KLRG1: variants seen among roughly 807,000 people sequenced by gnomAD.
The protein encoded by KLRG1 is killer cell lectin-like receptor subfamily G member 1.
KLRG1 carries 16 observed loss-of-function variants against 21.8 expected under a neutral mutation model. The ratio of observed to expected loss-of-function variants is 0.73; its 90% confidence interval spans 0.50 to 1.11. The LOEUF is 1.11. Ranked by LOEUF, KLRG1 falls within the 50% of genes most tolerant of loss-of-function variation. KLRG1 has a pLI of 0.00. For synonymous variants in KLRG1, 69 were observed against 75.9 expected (o/e 0.91, Z 0.47); for missense variants, 173 against 218.3 (o/e 0.79, Z 1.31).
intron 1 of KLRG1, among the ~76,000 whole-genome samples, chr12:8,971,902 T>C (rs1946574810): frequency 6.6e-6 from 1 of 152,244 alleles, no homozygotes. Context: ...ATTTTGGATA[T>C]TAACCCCTTA....
the KLRG1 span, among the ~76,000 whole-genome samples, chr12:9,212,749 C>A: frequency 4.8e-5 from 7 of 146,974 alleles, no homozygotes; most frequent in South Asian, 2.2e-4. Flanking sequence ...AAAAAAAAAA[C>A]CAGTAAATTT....
chr12:9,191,040 T>C, the KLRG1 span, among the ~76,000 whole-genome samples: 2 of 152,126 alleles, frequency 1.3e-5, no homozygotes, highest in Non-Finnish European at 2.9e-5. Context: ...ATTAGCTATA[T>C]AGAGAAATTT....
At chr12:8,957,015 G>A (rs950537185) in intron 1 of KLRG1, among the ~76,000 whole-genome samples, 1 of 152,210 alleles carries the variant, frequency 6.6e-6, no homozygotes, top group Non-Finnish European at 1.5e-5. Flanking sequence ...CAGCCCAGTG[G>A]TCACGAGTGA....
chr12:9,114,640 G>A, the KLRG1 span, among the ~76,000 whole-genome samples: 1 of 151,568 alleles, frequency 6.6e-6, no homozygotes, highest in Non-Finnish European at 1.5e-5. Flanking sequence ...AAAAAATGTT[G>A]TGAATTATTC....
chr12:9,128,100 C>G, the KLRG1 span: 120 of 195,318 alleles, frequency 6.1e-4, no homozygotes, highest in Middle Eastern at 7.7e-3. Flanking sequence ...GACCTGAAGA[C>G]GCACATCCAA....
At chr12:9,059,905 C>T in the KLRG1 span, among the ~76,000 whole-genome samples, 18 of 151,732 alleles carry the variant, frequency 1.2e-4, no homozygotes, top group Non-Finnish European at 1.3e-4. Flanking sequence ...GTCTTGAACC[C>T]CTGAACTCAA....
the KLRG1 span, among the ~76,000 whole-genome samples, chr12:9,075,850 T>A: frequency 6.6e-6 from 1 of 152,236 alleles, no homozygotes; most frequent in Non-Finnish European, 1.5e-5. Context: ...TCGGTAATTT[T>A]CTATTTCTTA....
At chr12:8,978,244 TC>T (rs1258542390) in intron 1 of KLRG1, among the ~76,000 whole-genome samples, 1 of 152,220 alleles carries the variant, frequency 6.6e-6, no homozygotes, top group Non-Finnish European at 1.5e-5. Context: ...TTGAAGGACT[TC>T]CTTGAGCATC....
At chr12:9,041,956 T>C in the KLRG1 span, among the ~76,000 whole-genome samples, 1 of 152,170 alleles carries the variant, frequency 6.6e-6, no homozygotes, top group African/African-American at 2.4e-5. Flanking sequence ...ATCTAAAATA[T>C]GTGGCATTGG....
the KLRG1 span, chr12:9,152,997 C>G: frequency 1.2e-6 from 2 of 1,612,444 alleles, no homozygotes; most frequent in East Asian, 4.5e-5. Flanking sequence ...TTTTCTGGAC[C>G]CCTCACTTCC....
At chr12:9,069,863 G>A in the KLRG1 span, 2 of 1,545,444 alleles carry the variant, frequency 1.3e-6, no homozygotes, top group Non-Finnish European at 1.8e-6. Context: ...TGAAACCCCT[G>A]GGGGATCCAG....
chr12:9,072,522 C>T, the KLRG1 span: 1 of 1,601,948 alleles, frequency 6.2e-7, no homozygotes, highest in East Asian at 2.2e-5. Flanking sequence ...GTTTTTTGCC[C>T]TTTCCCAGAA....
At chr12:9,166,426 T>G in the KLRG1 span, among the ~76,000 whole-genome samples, 1 of 152,154 alleles carries the variant, frequency 6.6e-6, no homozygotes, top group Non-Finnish European at 1.5e-5. Context: ...CATAGCATAA[T>G]TTGATGTGAA....
At chr12:9,139,553 G>T in the KLRG1 span, among the ~76,000 whole-genome samples, 1 of 152,012 alleles carries the variant, frequency 6.6e-6, no homozygotes, top group South Asian at 2.1e-4. Context: ...TTATTTTATT[G>T]CTCCCTATTT....
chr12:9,114,266 C>G, the KLRG1 span, among the ~76,000 whole-genome samples: 5 of 152,216 alleles, frequency 3.3e-5, 1 homozygote, highest in Non-Finnish European at 5.9e-5. Flanking sequence ...AGTACCCTGA[C>G]ATGTAATTTA....
At chr12:9,095,501 A>G in the KLRG1 span, 1 of 1,572,852 alleles carries the variant, frequency 6.4e-7, no homozygotes, top group East Asian at 2.3e-5. Flanking sequence ...TATTTTAAGA[A>G]GCTTAAGATC....
the KLRG1 span, among the ~76,000 whole-genome samples, chr12:9,088,266 T>A: frequency 1.5e-3 from 234 of 151,158 alleles, 1 homozygote; most frequent in African/African-American, 5.5e-3. Flanking sequence ...TTTTTTTTTT[T>A]AAAGAAGAAT....
the KLRG1 span, chr12:9,152,942 T>C: frequency 5.6e-6 from 9 of 1,614,180 alleles, no homozygotes; most frequent in Non-Finnish European, 7.6e-6. Flanking sequence ...ATATTGTATT[T>C]CATGGATGTC....
At chr12:9,118,387 G>T in the KLRG1 span, among the ~76,000 whole-genome samples, 1 of 152,204 alleles carries the variant, frequency 6.6e-6, no homozygotes, top group Non-Finnish European at 1.5e-5. Context: ...GAAGGGTACA[G>T]TTCTGCGCTT....
Sources: allele counts gnomAD v4.1 joint callset (sites outside exome capture counted in the v4.1 genomes callset), GRCh38; gene constraint gnomAD v4.1.1; transcripts MANE v1.5; gene names NCBI Gene and HGNC (gene_info 2026-07-23, HGNC 2026-07-21).